Variants in DMD observed in about 807,000 individuals in gnomAD.
The protein encoded by DMD is mutant dystrophin.
Under a neutral mutation model 330.1 loss-of-function variants are expected in DMD, and 63 were observed. The ratio of observed to expected loss-of-function variants is 0.19; its 90% CI spans 0.16 to 0.24. The LOEUF (loss-of-function observed/expected upper bound fraction) is 0.24. Ranked by LOEUF, DMD falls within the 10% of genes least tolerant of loss-of-function variation. The probability of loss-of-function intolerance (pLI) is 1.00; values close to 1 mark genes in which losing one functional copy is unlikely to be tolerated. For synonymous variants in DMD, 1,223 were observed against 959.8 expected (o/e 1.27, Z -5.07); for missense variants, 3,344 against 2,684.1 (o/e 1.25, Z -5.43).
At chrX:31,294,001 T>C (rs1258905646) in intron 62 of DMD, among the ~76,000 whole-genome samples, 2 of 111,006 alleles carry the variant, frequency 1.8e-5, no homozygotes, top group Admixed American at 1.9e-4. Context: ...CTGCCATCTC[T>C]ACGAAAAGAA....
intron 30 of DMD, among the ~76,000 whole-genome samples, chrX:32,408,355 CTT>C (rs757820615): frequency 9.0e-5 from 10 of 111,661 alleles, no homozygotes; most frequent in Non-Finnish European, 1.3e-4. Context: ...GTGAGCAGCT[CTT>C]TTCTTTCCTA....
chrX:33,122,958 C>A (rs2095433952), intron 1 of DMD, among the ~76,000 whole-genome samples: 1 of 112,467 alleles, frequency 8.9e-6, no homozygotes, highest in South Asian at 3.7e-4. Context: ...AAGATAGGAA[C>A]TGCATAAGGA....
intron 60 of DMD, among the ~76,000 whole-genome samples, chrX:31,375,146 C>T (rs950433230): frequency 8.9e-6 from 1 of 112,088 alleles, no homozygotes; most frequent in Admixed American, 9.4e-5. Context: ...AAGGTCATCG[C>T]CAAGGTCTGA....
At chrX:31,991,137 G>A (rs1363694472) in intron 44 of DMD, among the ~76,000 whole-genome samples, 1 of 111,803 alleles carries the variant, frequency 8.9e-6, no homozygotes, top group African/African-American at 3.2e-5. Context: ...ATAATATTGA[G>A]ATTATATTAA....
rs1213597041 is a variant in DMD, at chrX:32,501,808, T to A, written c.2327A>T (p.Lys776Ile). The A allele has an allele frequency of 8.3e-7, 1 of 1,208,877 alleles. No individual in the cohort carries two copies. The highest frequency in any genetic ancestry group is 1.1e-6 in the Non-Finnish European group (1 of 893,885). ...IEREKAEKFRKLQDASRSAQA... is the reference protein window; with the variant it reads ...IEREKAEKFRILQDASRSAQA... ...AGCTGATCTGCTGGCATCTTGCAGT[T>A]TTCTGAACTTCTCAGCTTTTTCTCG... Residue 776 changes from lysine to isoleucine, a missense_variant, in exon 19 of 79, where the codon AAA becomes ATA. Physicochemically the swap from Lys to Ile is moderately radical, Grantham distance 102. Transcript: ENST00000357033.
At chrX:32,728,485 C>A (rs2067148045) in intron 7 of DMD, among the ~76,000 whole-genome samples, 1 of 111,763 alleles carries the variant, frequency 8.9e-6, no homozygotes, top group African/African-American at 3.2e-5. Context: ...AGGCTGAAGT[C>A]ATTTAATCCA....
At chrX:31,690,682 T>G (rs747279042) in intron 52 of DMD, among the ~76,000 whole-genome samples, 1 of 112,095 alleles carries the variant, frequency 8.9e-6, no homozygotes, top group East Asian at 2.8e-4. Flanking sequence ...TGTTTATTGC[T>G]GCACTATTCA....
At chrX:31,284,864 CCACA>C (rs2053074674) in intron 62 of DMD, among the ~76,000 whole-genome samples, 1 of 84,610 alleles carries the variant, frequency 1.2e-5, no homozygotes, top group African/African-American at 4.6e-5. Context: ...ACACACACAC[CCACA>C]CCCACACACG....
At chrX:31,152,936 T>A (rs1385560966) in intron 74 of DMD, among the ~76,000 whole-genome samples, 1 of 112,536 alleles carries the variant, frequency 8.9e-6, no homozygotes, top group African/African-American at 3.2e-5. Flanking sequence ...GCAAGGGATG[T>A]TTTGCATGTG....
At chrX:31,254,984 G>T (rs1032710814) in intron 63 of DMD, among the ~76,000 whole-genome samples, 2 of 105,589 alleles carry the variant, frequency 1.9e-5, no homozygotes, top group Non-Finnish European at 3.9e-5. Flanking sequence ...GTTCAAAGCT[G>T]CAGTGAGCCA....
At chrX:32,918,166 A>G (rs1271380294) in intron 2 of DMD, among the ~76,000 whole-genome samples, 1 of 110,691 alleles carries the variant, frequency 9.0e-6, no homozygotes, top group Non-Finnish European at 1.9e-5. Context: ...GACTGTAGGA[A>G]TCCTCTGTTG....
chrX:32,379,040 T>TA (rs5902029), intron 34 of DMD, among the ~76,000 whole-genome samples: 3,060 of 99,844 alleles, frequency 0.031, 62 homozygotes, highest in South Asian at 0.076. Context: ...AATAAATTGG[T>TA]AAAAAAAAAA....
At chrX:33,068,675 G>T (rs770071468) in intron 1 of DMD, among the ~76,000 whole-genome samples, 23 of 112,380 alleles carry the variant, frequency 2.0e-4, no homozygotes, top group East Asian at 1.7e-3. Context: ...AGAAAGAGAG[G>T]CAGTTTATAA....
At chrX:32,344,593 A>G (rs1410356027) in intron 39 of DMD, among the ~76,000 whole-genome samples, 1 of 111,472 alleles carries the variant, frequency 9.0e-6, no homozygotes, top group Admixed American at 9.6e-5. Flanking sequence ...ATTAGAGTTG[A>G]GCCATGCCTT....
chrX:32,013,607 G>A (rs1378721674), intron 44 of DMD, among the ~76,000 whole-genome samples: 3 of 111,824 alleles, frequency 2.7e-5, no homozygotes, highest in Admixed American at 9.5e-5. Flanking sequence ...TTTATTAAAC[G>A]AATGATTGCT....
At chrX:32,977,557 C>A (rs2092589521) in intron 2 of DMD, among the ~76,000 whole-genome samples, 1 of 110,935 alleles carries the variant, frequency 9.0e-6, no homozygotes, top group African/African-American at 3.3e-5. Flanking sequence ...GGTGTATTGT[C>A]AAAGATAATT....
intron 61 of DMD, among the ~76,000 whole-genome samples, chrX:31,337,382 T>C (rs1453663509): frequency 8.9e-6 from 1 of 112,135 alleles, no homozygotes; most frequent in African/African-American, 3.2e-5. Flanking sequence ...TGAAAGTCTA[T>C]TTAAAAATCT....
chrX:33,131,472 C>T (rs1251095966), intron 1 of DMD, among the ~76,000 whole-genome samples: 1 of 111,603 alleles, frequency 9.0e-6, no homozygotes, highest in Non-Finnish European at 1.9e-5. Context: ...ATTATAAACC[C>T]AGAGACCTAC....
intron 1 of DMD, among the ~76,000 whole-genome samples, chrX:33,134,897 C>G (rs1225660677): frequency 3.6e-5 from 4 of 111,558 alleles, no homozygotes; most frequent in African/African-American, 1.3e-4. Context: ...TATTACGTCT[C>G]CTATATGAGA....
Sources: allele counts gnomAD v4.1 joint callset (sites outside exome capture counted in the v4.1 genomes callset), GRCh38; gene constraint gnomAD v4.1.1; transcripts MANE v1.5; gene names NCBI Gene and HGNC (gene_info 2026-07-23, HGNC 2026-07-21).